STK32C: variants seen among roughly 807,000 people sequenced by gnomAD.
STK32C encodes the protein serine/threonine kinase 32C.
STK32C carries 31 observed loss-of-function variants against 56.5 expected under a neutral mutation model. The observed-to-expected ratio is 0.55, with a 90% CI of 0.41 to 0.74. The LOEUF is 0.74. Ranked by LOEUF, STK32C falls within the 30% of genes least tolerant of loss-of-function variation. The pLI is 0.00. For missense variants in STK32C, 544 were observed against 676.9 expected, an observed-to-expected ratio of 0.80 and a Z score of 2.18; for synonymous variants, 309 against 289.4, an observed-to-expected ratio of 1.07 and a Z score of -0.69.
rs1487815119 is a variant in STK32C at position 132,240,075 on chromosome 10, C to T, written c.318+5825G>A. The stretch of plus-strand genomic sequence containing the variant: ...TGGTGGCCTGGAGAGCACGAGGCCC[C>T]CCCCAAAGAAGACCCCCAGGGAAGC... On this transcript the variant is annotated intron_variant, in intron 2 of 11. Coordinates refer to ENST00000298630, the MANE Select transcript of STK32C (RefSeq NM_173575.4). Among the ~76,000 whole-genome samples, 11 of 152,106 alleles carry T rather than the reference C, an allele frequency of 7.2e-5. No individual in the cohort carries two copies. The East Asian group carries it at 2.1e-3, about 29-fold the overall frequency.
rs746815792 is a variant in STK32C at position 132,228,704 on chromosome 10, C to G, written c.319-576G>C. On this transcript the variant is annotated intron_variant, in intron 2 of 11. Transcript: ENST00000298630. The stretch of plus-strand genomic sequence containing the variant: ...CCGGAGGGGTACTGGGGAATGAATG[C>G]GAAAACCCACTGAGCACAGAGCCCT... 4.6e-5 allele frequency among the ~76,000 whole-genome samples: 7 copies of G among 152,144 alleles called. 1 individual carries two copies. The highest frequency in any genetic ancestry group is 3.9e-4 in the Admixed American group (6 of 15,276).
In STK32C at chr10:132,209,079, C is replaced by G; in HGVS notation, c.1274G>C (p.Cys425Ser). Residue 425 changes from cysteine (C) to serine (S), a missense_variant, in exon 11 of 12, where the codon TGC becomes TCC. Cys to Ser is a moderately radical substitution (Grantham distance 112). Coordinates refer to ENST00000298630, the MANE Select transcript of STK32C (RefSeq NM_173575.4). Reference protein sequence around the residue: ...SQSENDYLQDCLDAIQQDFVI... With the variant: ...SQSENDYLQDSLDAIQQDFVI... Reference sequence around the variant, plus strand: ...GAAGTCTTGCTGGATGGCATCGAGGCAGTCTTGAAGATAGTCATTCTCCTG... The same window carrying G: ...GAAGTCTTGCTGGATGGCATCGAGGGAGTCTTGAAGATAGTCATTCTCCTG... The G allele has an allele frequency of 6.2e-7, 1 of 1,613,814 alleles. No individual in the cohort carries two copies. Among genetic ancestry groups the G allele is most frequent in the Non-Finnish European group, 8.5e-7 (1 of 1,179,980 alleles).
chr10:132,265,874 G>A (rs748995584), intron 1 of STK32C, among the ~76,000 whole-genome samples: 5 of 152,168 alleles, frequency 3.3e-5, no homozygotes, highest in East Asian at 1.9e-4. Context: ...CAAGGACACC[G>A]GGCACCTTGA....
At chr10:132,265,161 CAGGGCGGCGAGG>C (rs2064465071) in intron 1 of STK32C, among the ~76,000 whole-genome samples, 2 of 97,808 alleles carry the variant, frequency 2.0e-5, no homozygotes, top group African/African-American at 7.5e-5. Context: ...GGGGAGCTGC[CAGGGCGGCGAGG>C]TGGCTCTGGG....
intron 1 of STK32C, among the ~76,000 whole-genome samples, chr10:132,314,094 C>A (rs751100191): frequency 6.6e-6 from 1 of 152,220 alleles, no homozygotes; most frequent in Non-Finnish European, 1.5e-5. Flanking sequence ...CGGCCAGCAC[C>A]GCGATGCACC....
chr10:132,313,017 G>A (rs1425239116), intron 1 of STK32C, among the ~76,000 whole-genome samples: 1 of 152,208 alleles, frequency 6.6e-6, no homozygotes, highest in African/African-American at 2.4e-5. Context: ...TCCAGCCTGG[G>A]CGACAGAGCG....
intron 1 of STK32C, chr10:132,330,410 T>G (rs1227671730): frequency 1.4e-6 from 1 of 716,936 alleles, no homozygotes; most frequent in Non-Finnish European, 2.6e-6. Flanking sequence ...ATGTCACTCC[T>G]CATTCTCTCC....
At chr10:132,231,896 G>A (rs1235034502) in intron 2 of STK32C, among the ~76,000 whole-genome samples, 2 of 152,232 alleles carry the variant, frequency 1.3e-5, no homozygotes, top group Non-Finnish European at 2.9e-5. Context: ...CTCCCACGGA[G>A]CCGCCCAGAG....
At chr10:132,230,689 G>A (rs1477163892) in intron 2 of STK32C, among the ~76,000 whole-genome samples, 2 of 144,164 alleles carry the variant, frequency 1.4e-5, no homozygotes, top group Non-Finnish European at 3.1e-5. Flanking sequence ...CGGGGGGGGG[G>A]GGGCTGCAGA....
chr10:132,288,053 G>T (rs2065459637), intron 1 of STK32C, among the ~76,000 whole-genome samples: 1 of 151,950 alleles, frequency 6.6e-6, no homozygotes, highest in African/African-American at 2.4e-5. Flanking sequence ...ACAATTATAA[G>T]CTCTTCCCCC....
At chr10:132,224,758 C>T (rs921907433) in intron 7 of STK32C, among the ~76,000 whole-genome samples, 37 of 152,110 alleles carry the variant, frequency 2.4e-4, no homozygotes, top group African/African-American at 8.4e-4. Flanking sequence ...TCCCAGGGGG[C>T]CTGGGTCCAG....
intron 2 of STK32C, among the ~76,000 whole-genome samples, chr10:132,228,618 C>T (rs1177667500): frequency 6.6e-6 from 1 of 152,252 alleles, no homozygotes. Context: ...ACGACCTGGG[C>T]ATGGAGTTTT....
chr10:132,275,372 G>T (rs58437400), intron 1 of STK32C, among the ~76,000 whole-genome samples: 11,982 of 152,250 alleles, frequency 0.079, 744 homozygotes, highest in African/African-American at 0.17. Flanking sequence ...AGGTCCAGGG[G>T]TCTGGGATGA....
rs1018791378 is a variant in STK32C, at chr10:132,307,370, C to T, written c.262+202G>A. Among the ~76,000 whole-genome samples the T allele has an allele frequency of 6.6e-6, 1 of 151,900 alleles. No homozygotes were observed. Among genetic ancestry groups the T allele is most frequent in the Admixed American group, 6.5e-5 (1 of 15,274 alleles). On this transcript the variant is annotated intron_variant, in intron 1 of 11. Coordinates refer to ENST00000298630, the MANE Select transcript of STK32C (RefSeq NM_173575.4). This position sits in a 1 kb window ranked among gnomAD's most constrained non-coding sequence, Gnocchi z 4.4. ...GCCCAGCCTGCTCCTCCTGCGGCGC[C>T]GCCACTAGAAACGGAGGACGCGGGC... is the stretch of plus-strand genomic sequence containing the variant.
Position 132,225,778 on chromosome 10 carries a change from G to C in STK32C, c.651C>G (p.Val217=). 6.2e-7 allele frequency: 1 copy of C among 1,614,110 alleles called. No individual in the cohort carries two copies. The highest frequency in any genetic ancestry group is 8.5e-7 in the Non-Finnish European group (1 of 1,180,014). Residue 217 remains valine (V), a synonymous_variant, in exon 5 of 12, where the codon GTC becomes GTG. Transcript: ENST00000298630. The part of the protein sequence containing the change: ...LRGQHIIHRD[V]KPDNILLDER... ...CATCCAGGAGAATGTTGTCAGGCTT[G>C]ACATCTCTAGAAAGAGCAGAAAGTG...
At chr10:132,253,146 G>C (rs766969991) in intron 1 of STK32C, among the ~76,000 whole-genome samples, 23 of 152,358 alleles carry the variant, frequency 1.5e-4, no homozygotes, top group Non-Finnish European at 2.2e-4. Flanking sequence ...ACCATCTCCA[G>C]GCTTACCAGG....
At position 132,224,511 on chromosome 10, in the gene STK32C, T is replaced by C. The variant is rs1157746168; in HGVS notation, c.889A>G (p.Ile297Val). 3.1e-6 allele frequency: 5 copies of C among 1,592,242 alleles called. No homozygotes were observed. The highest frequency in any genetic ancestry group is 3.4e-6 in the Non-Finnish European group (4 of 1,170,150). The change falls in exon 8 of 12, where the codon ATC (isoleucine) becomes GTC (valine). Residue 297 changes from isoleucine to valine, a missense_variant. Coordinates refer to ENST00000298630, the MANE Select transcript of STK32C (RefSeq NM_173575.4). ...GACTCCACGGCGTTGCTGGAGTGGA[T>C]GTCATAGGGCCTCTGGAGACAGGGA... Reference protein sequence around the residue: ...ELLRGWRPYDIHSSNAVESLV... With the variant: ...ELLRGWRPYDVHSSNAVESLV...
At chr10:132,310,931 A>C (rs1435806563), upstream of STK32C, among the ~76,000 whole-genome samples, 1 of 152,122 alleles carries the variant, frequency 6.6e-6, no homozygotes, top group African/African-American at 2.4e-5. The surrounding 1 kb of genome is among the most constrained non-coding windows in gnomAD (Gnocchi z 4.6). Flanking sequence ...GCTGGCCCTA[A>C]GGTAGAAACC....
Position 132,245,885 on chromosome 10 carries a change from C to T in STK32C, c.318+15G>A. On this transcript the variant is annotated intron_variant, in intron 2 of 11. Coordinates refer to ENST00000298630, the MANE Select transcript of STK32C (RefSeq NM_173575.4). ...TGCCCCCTCAGCCCAGTCCCCACCCCAGGCCCTGCCTTACCTTGCCAAAGC... is the reference window on the plus strand; with the variant it reads ...TGCCCCCTCAGCCCAGTCCCCACCCTAGGCCCTGCCTTACCTTGCCAAAGC... 1 of 1,611,936 alleles carries T rather than the reference C, an allele frequency of 6.2e-7. No individual in the cohort carries two copies. Among genetic ancestry groups the T allele is most frequent in the East Asian group, 2.2e-5 (1 of 44,876 alleles).
Sources: gnomAD v4.1 joint callset for allele counts (sites outside exome capture counted in the v4.1 genomes callset) on GRCh38, gnomAD v4.1.1 for gene constraint, Gnocchi (gnomAD v3.1) non-coding constraint, MANE v1.5 for transcripts, NCBI Gene and HGNC (gene_info 2026-07-23, HGNC 2026-07-21) for gene names.